The following TCF3 variants were observed in gnomAD, a reference collection of about 807,000 sequenced individuals.
The protein encoded by TCF3 is transcription factor E2-alpha.
TCF3 carries 54 observed loss-of-function variants against 72.3 expected under a neutral mutation model. The observed-to-expected ratio is 0.75, with a 90% confidence interval of 0.60 to 0.94. The LOEUF is 0.94. TCF3 is among the 40% of genes least tolerant of loss of function. TCF3 has a pLI of 0.00. For synonymous variants in TCF3, 525 were observed against 412.6 expected, an observed-to-expected ratio of 1.27 and a Z score of -3.30; for missense variants, 1,078 against 934.4, an observed-to-expected ratio of 1.15 and a Z score of -2.00.
At chr19:1,643,913 C>A (rs918073654) in intron 3 of TCF3, among the ~76,000 whole-genome samples, 1 of 152,214 alleles carries the variant, frequency 6.6e-6, no homozygotes, top group Non-Finnish European at 1.5e-5. Context: ...GTGGAGAATG[C>A]GGCTGGGGTA....
In TCF3 at chr19:1,619,242, C is replaced by T. The variant is rs371688455; in HGVS notation, c.1327-8G>A. The T allele has an allele frequency of 1.6e-4, 247 of 1,586,950 alleles. No individual in the cohort carries two copies. Among genetic ancestry groups the T allele is most frequent in the Admixed American group, 5.1e-4 (30 of 59,146 alleles). ...GGGGTGGCTGCCTCCAACCTGCAGG[C>T]GTGGGGAGACGGGTGCATCAGGGGG... On this transcript the variant is annotated splice_region_variant and splice_polypyrimidine_tract_variant and intron_variant, in intron 15 of 18. Transcript: ENST00000262965.
chr19:1,612,345 C>T lies in TCF3; in HGVS notation c.1823-496G>A, dbSNP rs1320707074. 3.7e-6 allele frequency: 6 copies of T among 1,613,852 alleles called. No homozygotes were observed. Among genetic ancestry groups the T allele is most frequent in the Non-Finnish European group, 5.1e-6 (6 of 1,179,908 alleles). On this transcript the variant is annotated intron_variant, in intron 18 of 18. Transcript: ENST00000262965. Reference sequence around the variant, plus strand: ...CGGAAGGCCTCGTTAATATCCCGCACGCGCACCCGCTCCCGCGCGTTATTG... The same window carrying T: ...CGGAAGGCCTCGTTAATATCCCGCATGCGCACCCGCTCCCGCGCGTTATTG...
chr19:1,650,251 T>C lies in TCF3; in HGVS notation c.-3A>G. ...GCCATCCTCTGCGGCTGGTTCATTC[T>C]CCTGGGGCCAGGGCGGGCACCTCAG... On this transcript the variant is annotated 5_prime_UTR_variant, in exon 2 of 19. Coordinates refer to ENST00000262965, the MANE Select transcript of TCF3 (RefSeq NM_003200.5). 2 of 1,561,090 alleles carry C rather than the reference T, an allele frequency of 1.3e-6. No individual in the cohort carries two copies. The highest frequency in any genetic ancestry group is 1.2e-5 in the South Asian group (1 of 84,962).
chr19:1,622,253 C>G, intron 9 of TCF3, 30 bp from the exon 10 acceptor site: 1 of 1,513,794 alleles, frequency 6.6e-7, no homozygotes, highest in Non-Finnish European at 8.9e-7. Flanking sequence ...AGGTGGGGGC[C>G]GAGTGGGGAA....
At chr19:1,622,834 A>G (rs1376380831) in intron 8 of TCF3, among the ~76,000 whole-genome samples, 1 of 152,178 alleles carries the variant, frequency 6.6e-6, no homozygotes, top group Non-Finnish European at 1.5e-5. Context: ...TCCCAGAGCA[A>G]CATTCGTCCT....
chr19:1,623,620 G>A (rs1005470095), intron 8 of TCF3, among the ~76,000 whole-genome samples: 23 of 152,210 alleles, frequency 1.5e-4, no homozygotes, highest in African/African-American at 4.1e-4. Flanking sequence ...CTGACCTCAG[G>A]TGATCCACCC....
At chr19:1,625,418 G>A (rs1276964028) in intron 7 of TCF3, among the ~76,000 whole-genome samples, 158 bp downstream of exon 7, 1 of 152,222 alleles carries the variant, frequency 6.6e-6, no homozygotes. Flanking sequence ...CCCCGTCACC[G>A]TCCATCCCTC....
In TCF3 at chr19:1,645,141, G is replaced by A. The variant is rs994050518; in HGVS notation, c.145+1214C>T. Among the ~76,000 whole-genome samples, 4 of 152,104 alleles carry A rather than the reference G, an allele frequency of 2.6e-5. No individual in the cohort carries two copies. The East Asian group carries it at 7.7e-4, about 29-fold the overall frequency. On this transcript the variant is annotated intron_variant, in intron 3 of 18. Coordinates refer to ENST00000262965, the MANE Select transcript of TCF3 (RefSeq NM_003200.5). ...AGTGCCCAAGTACAGAACCCCCTTTGCCCACCACTCAAAACCCCGACACTC... is the reference window on the plus strand; with the variant it reads ...AGTGCCCAAGTACAGAACCCCCTTTACCCACCACTCAAAACCCCGACACTC...
At position 1,619,125 on chromosome 19, in the gene TCF3, G is replaced by A. The variant is rs1338014367; in HGVS notation, c.1436C>T (p.Pro479Leu). The change falls in exon 16 of 19, where the codon CCC becomes CTC. Residue 479 changes from proline (P) to leucine (L), a missense_variant. Transcript: ENST00000262965. The stretch of plus-strand genomic sequence containing the variant: ...CAAGGGCTTACCACTGTAGGAGTCG[G>A]GAGGCCGAGACAGGTCAGGGAGGGT... ...PGTLPDLSRP[P>L]DSYSGLGRAG... 1 of 1,599,690 alleles carries A rather than the reference G, an allele frequency of 6.3e-7. No individual in the cohort carries two copies. The highest frequency in any genetic ancestry group is 2.2e-5 in the East Asian group (1 of 44,866).
Position 1,615,708 on chromosome 19 carries a change from T to C in TCF3, c.1564A>G (p.Lys522Glu). Residue 522 changes from lysine to glutamate, a missense_variant, in exon 17 of 19, where the codon AAG (lysine) becomes GAG (glutamate). By Grantham distance (56) the Lys-to-Glu change is moderately conservative. Transcript: ENST00000262965. The surrounding 1 kb of genome is among the most constrained non-coding windows in gnomAD (Gnocchi z 7.3). ...DHSEEEKKEL[K>E]APRARTSPDE... is the part of the protein sequence containing the mutation. The stretch of plus-strand genomic sequence containing the variant: ...CACCTGGTCCGGGCCCGGGGGGCCT[T>C]CAGCTCCTTCTTCTCCTCCTCCGAG... 6.2e-7 allele frequency: 1 copy of C among 1,613,360 alleles called. No individual in the cohort carries two copies. Among genetic ancestry groups the C allele is most frequent in the Non-Finnish European group, 8.5e-7 (1 of 1,179,632 alleles).
At chr19:1,639,543 C>T (rs2064940094) in intron 3 of TCF3, among the ~76,000 whole-genome samples, 1 of 151,972 alleles carries the variant, frequency 6.6e-6, no homozygotes, top group Non-Finnish European at 1.5e-5. Flanking sequence ...CCTCGCAGCT[C>T]CACATCCAAC....
At chr19:1,634,872 T>C (rs1352375476) in intron 3 of TCF3, among the ~76,000 whole-genome samples, 1 of 152,234 alleles carries the variant, frequency 6.6e-6, no homozygotes, top group African/African-American at 2.4e-5. Context: ...CTGCTTTTGC[T>C]GCAACAGTAG....
chr19:1,613,850 T>C (rs1213714358), intron 18 of TCF3, among the ~76,000 whole-genome samples: 1 of 152,198 alleles, frequency 6.6e-6, no homozygotes, highest in African/African-American at 2.4e-5. Flanking sequence ...GGAACCCCAT[T>C]GTCACTGCCA....
intron 3 of TCF3, among the ~76,000 whole-genome samples, chr19:1,635,727 T>C (rs2064304463): frequency 1.3e-5 from 2 of 152,252 alleles, no homozygotes; most frequent in Admixed American, 1.3e-4. Flanking sequence ...GCCAGCATTT[T>C]TTCAAGCACA....
chr19:1,625,715 G>A lies in TCF3; in HGVS notation c.367-7C>T. The A allele has an allele frequency of 6.7e-7, 1 of 1,493,968 alleles. No homozygotes were observed. The highest frequency in any genetic ancestry group is 8.9e-7 in the Non-Finnish European group (1 of 1,127,970). 92.5% of individuals were successfully genotyped at this position (1,493,968 alleles called of 1,614,324 possible). On this transcript the variant is annotated splice_region_variant and splice_polypyrimidine_tract_variant and intron_variant, in intron 6 of 18. Transcript: ENST00000262965. ...CGCCTGACAGGAAGCCAGCCTGGTGGGGAGCGGATGGTCAGAAAGCGCCCA... is the reference window on the plus strand; with the variant it reads ...CGCCTGACAGGAAGCCAGCCTGGTGAGGAGCGGATGGTCAGAAAGCGCCCA...
intron 8 of TCF3, among the ~76,000 whole-genome samples, chr19:1,623,654 G>A (rs993863775): frequency 1.3e-5 from 2 of 152,154 alleles, no homozygotes; most frequent in Admixed American, 1.3e-4. Flanking sequence ...AAAGCGCTGG[G>A]ATGACAGGCA....
intron 13 of TCF3, 24 bp from the exon 14 acceptor site, chr19:1,619,877 T>G: frequency 6.5e-7 from 1 of 1,549,138 alleles, no homozygotes; most frequent in Non-Finnish European, 8.7e-7. Flanking sequence ...GGGACGTGAA[T>G]GGGGTGCGAG....
chr19:1,632,222 C>T (rs2063799150), intron 4 of TCF3, 106 bp from the exon 5 acceptor site: 1 of 1,548,478 alleles, frequency 6.5e-7, no homozygotes, highest in Non-Finnish European at 8.7e-7. Context: ...TCCCCCAGTC[C>T]AAACCCCTGG....
At chr19:1,625,079 T>A (rs1465487137) in intron 7 of TCF3, among the ~76,000 whole-genome samples, 1 of 152,238 alleles carries the variant, frequency 6.6e-6, no homozygotes, top group African/African-American at 2.4e-5. Context: ...ACTTTTGGCC[T>A]CAAGTGATCC....
Sources: gnomAD v4.1 joint callset for allele counts (sites outside exome capture counted in the v4.1 genomes callset) on GRCh38, gnomAD v4.1.1 for gene constraint, Gnocchi (gnomAD v3.1) non-coding constraint, MANE v1.5 for transcripts, NCBI Gene and HGNC (gene_info 2026-07-23, HGNC 2026-07-21) for gene names.